NFRKB: variants seen among roughly 807,000 people sequenced by gnomAD.
The protein encoded by NFRKB is nuclear factor related to kappaB binding protein, also known as nuclear factor related to kappa-B-binding protein.
Under a neutral mutation model 135.7 loss-of-function variants are expected in NFRKB, and 62 were observed. The observed-to-expected ratio is 0.46, with a 90% CI of 0.37 to 0.56. NFRKB has a LOEUF of 0.56. NFRKB is among the 20% of genes least tolerant of loss of function. The pLI is 0.00. For synonymous variants in NFRKB, 678 were observed against 635.6 expected (o/e 1.07, Z -1.00); for missense variants, 1,545 against 1,662.0 (o/e 0.93, Z 1.22).
Position 129,878,445 on chromosome 11 carries a change from A to G in NFRKB, c.1464+19T>C. 1 of 1,613,454 alleles carries G rather than the reference A, an allele frequency of 6.2e-7. No homozygotes were observed. On this transcript the variant is annotated intron_variant, in intron 14 of 26. Coordinates refer to ENST00000682444, the MANE Select transcript of NFRKB (RefSeq NM_001143835.2). ...GGAAACCCAGTGAGAAGGATCTGGT[A>G]TTTCTTAAAAAAACATACCTTACAG...
In NFRKB at chr11:129,874,656, A is replaced by G; in HGVS notation, c.1979-76T>C. 1.2e-6 allele frequency: 2 copies of G among 1,603,954 alleles called. No homozygotes were observed. Among genetic ancestry groups the G allele is most frequent in the Non-Finnish European group, 1.7e-6 (2 of 1,173,842 alleles). ...AAAAGAGGGGCTTTGTTAAAAACCA[A>G]CACCTTGCCAGTGGACTGAATCCTG... On this transcript the variant is annotated intron_variant, in intron 19 of 26. Coordinates refer to ENST00000682444, the MANE Select transcript of NFRKB (RefSeq NM_001143835.2). This position sits in a 1 kb window ranked among gnomAD's most constrained non-coding sequence, Gnocchi z 4.5.
In NFRKB at chr11:129,876,843, C is replaced by T; in HGVS notation, c.1625G>A (p.Gly542Asp). 1 of 1,614,164 alleles carries T rather than the reference C, an allele frequency of 6.2e-7. No homozygotes were observed. Among genetic ancestry groups the T allele is most frequent in the Non-Finnish European group, 8.5e-7 (1 of 1,180,026 alleles). Residue 542 changes from glycine (G) to aspartate (D), a missense_variant, in exon 17 of 27, where the codon GGC (glycine) becomes GAC (aspartate). This residue lies in a region of NFRKB where 114 missense variants were observed against 211.0 expected (regional missense o/e 0.54). Transcript: ENST00000682444. ...PHKAFTFRMH[G>D]FESVVGPVKG... ...CACTGGCCCCACCACAGACTCAAAG[C>T]CGTGCATGCGAAAGGTGAACGCCTT...
chr11:129,870,578 G>C (rs1302857608), intron 23 of NFRKB, among the ~76,000 whole-genome samples: 1 of 152,026 alleles, frequency 6.6e-6, no homozygotes, highest in Non-Finnish European at 1.5e-5. Context: ...ACCTAGAAAA[G>C]GACTTTTTGA....
At position 129,869,872 on chromosome 11, in the gene NFRKB, T is replaced by C; in HGVS notation, c.3153A>G (p.Thr1051=). 1 of 1,614,250 alleles carries C rather than the reference T, an allele frequency of 6.2e-7. No homozygotes were observed. The highest frequency in any genetic ancestry group is 8.5e-7 in the Non-Finnish European group (1 of 1,180,040). Reference sequence around the variant, plus strand: ...AGCGAAAAGCCGAACTTGAGGCTTCTGTTGGCTTGAGGTCAGGAGTCACTT... The same window carrying C: ...AGCGAAAAGCCGAACTTGAGGCTTCCGTTGGCTTGAGGTCAGGAGTCACTT... The part of the protein sequence containing the change: ...VVKVTPDLKP[T]EASSSAFRLM... The change falls in exon 24 of 27, where the codon ACA becomes ACG. Residue 1051 remains threonine (T), a synonymous_variant. Transcript: ENST00000682444.
In NFRKB at chr11:129,876,713, C is replaced by T; in HGVS notation, c.1747+8G>A. Reference sequence around the variant, plus strand: ...AGGGATCTCTGATAATCGACACGTGCCACCTACCAAGAGACAGAATGGTGA... The same window carrying T: ...AGGGATCTCTGATAATCGACACGTGTCACCTACCAAGAGACAGAATGGTGA... On this transcript the variant is annotated splice_region_variant and intron_variant, in intron 17 of 26. Transcript: ENST00000682444. 1 of 1,609,702 alleles carries T rather than the reference C, an allele frequency of 6.2e-7. No individual in the cohort carries two copies. The highest frequency in any genetic ancestry group is 8.5e-7 in the Non-Finnish European group (1 of 1,177,516).
chr11:129,892,897 A>T (rs754989613), intron 2 of NFRKB, 27 bp from the exon 3 acceptor site: 4 of 1,613,704 alleles, frequency 2.5e-6, no homozygotes, highest in Non-Finnish European at 2.5e-6. Context: ...ATCTTGAGAC[A>T]GAAAGGCAGA....
chr11:129,878,291 C>T lies in NFRKB; in HGVS notation c.1511+18G>A. On this transcript the variant is annotated intron_variant, in intron 15 of 26. Coordinates refer to ENST00000682444, the MANE Select transcript of NFRKB (RefSeq NM_001143835.2). ...CAGTTTCCCAGGACACCACCCACCACTACAGTATTGTACTCACACCCGAGG... is the reference window on the plus strand; with the variant it reads ...CAGTTTCCCAGGACACCACCCACCATTACAGTATTGTACTCACACCCGAGG... 2 of 1,613,564 alleles carry T rather than the reference C, an allele frequency of 1.2e-6. No homozygotes were observed.
chr11:129,863,842 C>G lies in NFRKB; in HGVS notation c.*883G>C, dbSNP rs1309963090. On this transcript the variant is annotated 3_prime_UTR_variant, in exon 27 of 27. Coordinates refer to ENST00000682444, the MANE Select transcript of NFRKB (RefSeq NM_001143835.2). ...CCAGCCCCAAGGGCCTGGTTTGCAA[C>G]TCTTGCTCTGGAGCAGAGCAGAAGG... The G allele has an allele frequency of 3.9e-5, 6 of 152,272 alleles. No individual in the cohort carries two copies. Among genetic ancestry groups the G allele is most frequent in the African/African-American group, 1.4e-4 (6 of 41,460 alleles). The allele number at this position is 152,272 out of a possible 1,614,324, so 9.4% of individuals were successfully genotyped here.
At chr11:129,865,816 G>T (rs1306768597) in intron 25 of NFRKB, 61 bp downstream of exon 25, 2 of 1,493,800 alleles carry the variant, frequency 1.3e-6, no homozygotes, top group African/African-American at 1.4e-5. Context: ...ACAAGGACTG[G>T]TAAGCCCTGC....
chr11:129,881,173 C>T (rs1010534036), intron 13 of NFRKB, among the ~76,000 whole-genome samples: 2 of 152,154 alleles, frequency 1.3e-5, no homozygotes, highest in Admixed American at 6.5e-5. Flanking sequence ...TTGCAAAATA[C>T]CCTTGCAGAT....
At position 129,885,677 on chromosome 11, in the gene NFRKB, C is replaced by T; in HGVS notation, c.466-68G>A. 4 of 1,443,218 alleles carry T rather than the reference C, an allele frequency of 2.8e-6. No individual in the cohort carries two copies. The South Asian group carries it at 4.2e-5, about 15-fold the overall frequency. 89.4% of individuals were successfully genotyped at this position (1,443,218 alleles called of 1,614,324 possible). On this transcript the variant is annotated intron_variant, in intron 5 of 26. Coordinates refer to ENST00000682444, the MANE Select transcript of NFRKB (RefSeq NM_001143835.2). ...CTGTTCTGGAACAATGAACACTCTA[C>T]AAGTCTACATTTTCTTCTCTTCAGT...
At chr11:129,892,226 G>T (rs571607006) in intron 3 of NFRKB, among the ~76,000 whole-genome samples, 1 of 152,072 alleles carries the variant, frequency 6.6e-6, no homozygotes, top group Middle Eastern at 3.2e-3. Flanking sequence ...TTCCCCCCAA[G>T]TCCCCAGAGT....
intron 4 of NFRKB, chr11:129,888,318 T>C (rs1949376580): frequency 1.6e-6 from 1 of 622,470 alleles, no homozygotes; most frequent in Admixed American, 2.8e-5. Flanking sequence ...GCACCTCTAG[T>C]ATGCTGGAAA....
Position 129,884,073 on chromosome 11 carries a change from CTGA to C in NFRKB, c.810_812del (p.His270del). 6.2e-7 allele frequency: 1 copy of C among 1,614,218 alleles called. No individual in the cohort carries two copies. The highest frequency in any genetic ancestry group is 8.5e-7 in the Non-Finnish European group (1 of 1,180,030). On this transcript the variant is annotated inframe_deletion, in exon 8 of 27. Coordinates refer to ENST00000682444, the MANE Select transcript of NFRKB (RefSeq NM_001143835.2). ...CCGCACGCCCTTCCCATCTTACTGG[CTGA>C]TGTTTCCGCTTCTCGTGGTGCTTCT... is the stretch of plus-strand genomic sequence containing the variant.
intron 8 of NFRKB, among the ~76,000 whole-genome samples, chr11:129,883,540 C>T (rs1318607366): frequency 6.6e-6 from 1 of 152,144 alleles, no homozygotes; most frequent in Non-Finnish European, 1.5e-5. Flanking sequence ...AGAGAAGTAT[C>T]ACAGTAACTA....
chr11:129,872,941 G>A lies in NFRKB; in HGVS notation c.2706C>T (p.Pro902=). The A allele has an allele frequency of 6.2e-7, 1 of 1,614,036 alleles. No homozygotes were observed. The highest frequency in any genetic ancestry group is 1.1e-5 in the South Asian group (1 of 91,070). The change falls in exon 23 of 27, where the codon CCC becomes CCT. Residue 902 remains proline (P), a synonymous_variant. Transcript: ENST00000682444. The part of the protein sequence containing the change: ...PATSSPGTSA[P]SASTAAVIQN... ...GAATGACGGCAGCCGTGGAGGCACTGGGAGCAGAGGTCCCAGGAGAACTCG... is the reference window on the plus strand; with the variant it reads ...GAATGACGGCAGCCGTGGAGGCACTAGGAGCAGAGGTCCCAGGAGAACTCG...
rs746921046 is a variant in NFRKB at position 129,882,434 on chromosome 11, C to G, written c.1082+17G>C. 5.0e-6 allele frequency: 8 copies of G among 1,610,614 alleles called. No individual in the cohort carries two copies. The East Asian group carries it at 1.8e-4, about 36-fold the overall frequency. On this transcript the variant is annotated intron_variant, in intron 10 of 26. Coordinates refer to ENST00000682444, the MANE Select transcript of NFRKB (RefSeq NM_001143835.2). ...CCATTCACCCTGAGAATTACAGAAT[C>G]TCTGTTGCTCACTTACTCTTCCTTG...
intron 4 of NFRKB, among the ~76,000 whole-genome samples, chr11:129,888,085 T>G (rs964553023): frequency 6.6e-6 from 1 of 152,172 alleles, no homozygotes; most frequent in Non-Finnish European, 1.5e-5. Context: ...TGATATTATC[T>G]GCTCAATGTA....
Position 129,872,955 on chromosome 11 carries a change from CAGG to C in NFRKB, c.2689_2691del (p.Pro897del). ...GTGGAGGCACTGGGAGCAGAGGTCC[CAGG>C]AGAACTCGTGGCTGGCTTACTCACA... is the stretch of plus-strand genomic sequence containing the variant. On this transcript the variant is annotated inframe_deletion, in exon 23 of 27. Coordinates refer to ENST00000682444, the MANE Select transcript of NFRKB (RefSeq NM_001143835.2). 6.2e-7 allele frequency: 1 copy of C among 1,614,104 alleles called. No homozygotes were observed. The highest frequency in any genetic ancestry group is 8.5e-7 in the Non-Finnish European group (1 of 1,179,982).
Sources: allele counts gnomAD v4.1 joint callset (sites outside exome capture counted in the v4.1 genomes callset), GRCh38; gene constraint gnomAD v4.1.1; regional missense constraint gnomAD v4.1.1; non-coding constraint Gnocchi (gnomAD v3.1); transcripts MANE v1.5; gene names NCBI Gene and HGNC (gene_info 2026-07-23, HGNC 2026-07-21).